ZNF723: variants seen among roughly 807,000 people sequenced by gnomAD.
The protein encoded by ZNF723 is zinc finger protein 723, pseudogene.
Under a neutral mutation model 9.4 loss-of-function variants are expected in ZNF723, and 5 were observed. That is an observed-to-expected ratio of 0.53 (90% confidence interval 0.28 to 1.12). The LOEUF (loss-of-function observed/expected upper bound fraction) is 1.12. Ranked by LOEUF, ZNF723 falls within the 50% of genes most tolerant of loss-of-function variation. The pLI is 0.10. For missense variants in ZNF723, 450 were observed against 501.5 expected, an observed-to-expected ratio of 0.90 and a Z score of 0.98; for synonymous variants, 158 against 168.8, an observed-to-expected ratio of 0.94 and a Z score of 0.49.
At chr19:22,839,064 C>A (rs1228828357) in intron 1 of ZNF723, among the ~76,000 whole-genome samples, 3 of 152,094 alleles carry the variant, frequency 2.0e-5, no homozygotes, top group African/African-American at 7.2e-5. Flanking sequence ...AATGGGGTTT[C>A]TTCATGTTGC....
intron 2 of ZNF723, among the ~76,000 whole-genome samples, 157 bp downstream of exon 2, chr19:22,848,544 C>A (rs1271461107): frequency 1.3e-5 from 2 of 152,030 alleles, no homozygotes; most frequent in East Asian, 3.9e-4. Context: ...AAAAGAATTT[C>A]TTCAAGATAA....
chr19:22,847,629 C>T (rs1967331572), intron 1 of ZNF723, among the ~76,000 whole-genome samples: 1 of 152,018 alleles, frequency 6.6e-6, no homozygotes, highest in South Asian at 2.1e-4. Flanking sequence ...CTCAAAAATA[C>T]ACAGAACTCA....
chr19:22,849,479 A>G (rs1967363070), intron 3 of ZNF723, among the ~76,000 whole-genome samples, 186 bp downstream of exon 3: 1 of 152,202 alleles, frequency 6.6e-6, no homozygotes, highest in Admixed American at 6.5e-5. Flanking sequence ...TAAATTTTCT[A>G]AGGATTCTAC....
chr19:22,834,077 G>A (rs977923763), intron 1 of ZNF723, among the ~76,000 whole-genome samples: 8 of 151,340 alleles, frequency 5.3e-5, no homozygotes, highest in South Asian at 4.2e-4. Flanking sequence ...CACCACGCCC[G>A]GCTAATTTTT....
At chr19:22,850,490 G>A (rs1057398311) in intron 3 of ZNF723, among the ~76,000 whole-genome samples, 16 of 141,148 alleles carry the variant, frequency 1.1e-4, no homozygotes, top group Non-Finnish European at 1.8e-4. Flanking sequence ...CACAGGCGCT[G>A]GGTCTTTTTT....
intron 3 of ZNF723, among the ~76,000 whole-genome samples, chr19:22,851,945 C>T (rs896657908): frequency 3.3e-5 from 5 of 152,008 alleles, no homozygotes; most frequent in Admixed American, 2.6e-4. Flanking sequence ...TGCCACCACG[C>T]CTGGCTAATT....
intron 3 of ZNF723, among the ~76,000 whole-genome samples, chr19:22,855,852 A>G (rs1268873505): frequency 6.6e-6 from 1 of 152,050 alleles, no homozygotes; most frequent in African/African-American, 2.4e-5. Flanking sequence ...GTGACTTTTA[A>G]AAGTGTGCTT....
chr19:22,818,956 C>T, the ZNF723 span, among the ~76,000 whole-genome samples: 3 of 152,132 alleles, frequency 2.0e-5, no homozygotes, highest in Non-Finnish European at 4.4e-5. Context: ...CATATCTCTG[C>T]ACCTATTACT....
chr19:22,837,296 G>C (rs547924618), intron 1 of ZNF723, among the ~76,000 whole-genome samples: 1 of 150,108 alleles, frequency 6.7e-6, no homozygotes, highest in East Asian at 1.9e-4. Context: ...AAAAAAGAAA[G>C]AAAGAAAAAA....
chr19:22,833,945 TTTTC>T lies in ZNF723; in HGVS notation c.3+1564_3+1567del, dbSNP rs1175658052. 6.3e-5 allele frequency among the ~76,000 whole-genome samples: 9 copies of T among 143,826 alleles called. No individual in the cohort carries two copies. The South Asian group carries it at 1.1e-3, about 18-fold the overall frequency. The allele number at this position is 143,826 out of a possible 152,430, so 94.4% of individuals were successfully genotyped here. A position where few individuals can be genotyped will look rare whatever the true frequency, so the allele number is the denominator to read the frequency against. On this transcript the variant is annotated intron_variant, in intron 1 of 3. Coordinates refer to ENST00000600766, the MANE Select transcript of ZNF723 (RefSeq NM_001349726.2). ...AGCGTACTTTTTTTTTTTTTTTTTTTTTTCCGAGTCTCCTTCTGTTGCTCAGGCT... is the reference window on the plus strand; with the variant it reads ...AGCGTACTTTTTTTTTTTTTTTTTTTCGAGTCTCCTTCTGTTGCTCAGGCT...
In ZNF723 at chr19:22,837,745, T is replaced by C. The variant is rs183322116; in HGVS notation, c.3+5363T>C. 3.4e-4 allele frequency among the ~76,000 whole-genome samples: 52 copies of C among 152,312 alleles called. No homozygotes were observed. In the East Asian group the frequency reaches 8.1e-3, roughly 24 times the overall value. Reference sequence around the variant, plus strand: ...CAGTCATGCCCACTGGACATTGACATGTGCACAGCCCTTCCAGGACTAGGC... The same window carrying C: ...CAGTCATGCCCACTGGACATTGACACGTGCACAGCCCTTCCAGGACTAGGC... On this transcript the variant is annotated intron_variant, in intron 1 of 3. Transcript: ENST00000600766.
chr19:22,826,795 TTATGGGGTATACTTA>T, the ZNF723 span, among the ~76,000 whole-genome samples: 1 of 152,188 alleles, frequency 6.6e-6, no homozygotes, highest in Admixed American at 6.5e-5. Flanking sequence ...AGGTATCTCT[TTATGGGGTATACTTA>T]TATGTAGAGA....
rs78653400 is a variant in ZNF723, at chr19:22,850,484, G to A, written c.226+1191G>A. On this transcript the variant is annotated intron_variant, in intron 3 of 3. Coordinates refer to ENST00000600766, the MANE Select transcript of ZNF723 (RefSeq NM_001349726.2). ...GGCCTCCCAAAGTGCTGGGATCACA[G>A]GCGCTGGGTCTTTTTTTTTTTTCTT... 8.3e-3 allele frequency among the ~76,000 whole-genome samples: 1,225 copies of A among 147,384 alleles called. 18 individuals are homozygous for A. The highest frequency in any genetic ancestry group is 0.03 in the African/African-American group (1,177 of 39,368).
chr19:22,825,564 C>A, the ZNF723 span, among the ~76,000 whole-genome samples: 1 of 152,222 alleles, frequency 6.6e-6, no homozygotes, highest in Non-Finnish European at 1.5e-5. Context: ...GAGATTTTGA[C>A]ATATTGCTGG....
upstream of ZNF723, among the ~76,000 whole-genome samples, chr19:22,831,856 C>T (rs571934011): frequency 5.0e-3 from 762 of 151,642 alleles, 3 homozygotes; most frequent in Middle Eastern, 0.01. Context: ...TGCAGTGAGC[C>T]GAGATCGTGC....
intron 1 of ZNF723, among the ~76,000 whole-genome samples, chr19:22,833,430 C>A (rs1023149167): frequency 6.6e-6 from 1 of 151,952 alleles, no homozygotes; most frequent in Non-Finnish European, 1.5e-5. Context: ...GGAGTACAGG[C>A]GTGAGCCACC....
chr19:22,823,723 C>G, the ZNF723 span, among the ~76,000 whole-genome samples: 1 of 152,172 alleles, frequency 6.6e-6, no homozygotes, highest in Non-Finnish European at 1.5e-5. Context: ...GGCCAAGCAC[C>G]AAGGTAATAT....
chr19:22,827,438 G>GGTTT (rs60844940), upstream of ZNF723, among the ~76,000 whole-genome samples: 1 of 65,460 alleles, frequency 1.5e-5, no homozygotes, highest in African/African-American at 9.8e-5. Context: ...TTTTTTTTTT[G>GGTTT]TTTTTTTGTT....
intron 1 of ZNF723, among the ~76,000 whole-genome samples, chr19:22,836,269 G>T (rs565198727): frequency 3.9e-5 from 6 of 152,140 alleles, no homozygotes; most frequent in Non-Finnish European, 7.3e-5. Flanking sequence ...TCAGGCAGAC[G>T]CAGTTAAGGT....
Sources: allele counts gnomAD v4.1 joint callset (sites outside exome capture counted in the v4.1 genomes callset), GRCh38; gene constraint gnomAD v4.1.1; transcripts MANE v1.5; gene names NCBI Gene and HGNC (gene_info 2026-07-23, HGNC 2026-07-21).